GLMN: variants seen among roughly 807,000 people sequenced by gnomAD.
GLMN encodes glomulin, FKBP associated protein.
Under a neutral mutation model 87.8 loss-of-function variants are expected in GLMN, and 75 were observed. That is an observed-to-expected ratio of 0.85 (90% CI 0.71 to 1.04). The LOEUF (loss-of-function observed/expected upper bound fraction) is 1.04. GLMN is among the 50% of genes least tolerant of loss of function. The pLI is 0.00. For missense variants in GLMN, 588 were observed against 658.8 expected (o/e 0.89, Z 1.18); for synonymous variants, 206 against 221.6 (o/e 0.93, Z 0.63).
chr1:92,266,268 A>G (rs983697043), intron 13 of GLMN, 151 bp downstream of exon 13: 2 of 684,326 alleles, frequency 2.9e-6, no homozygotes, highest in Admixed American at 4.2e-5. Flanking sequence ...CCCTTTCTCT[A>G]GCCATCACTG....
chr1:92,341,344 A>AT, the GLMN span, among the ~76,000 whole-genome samples: 63 of 152,254 alleles, frequency 4.1e-4, no homozygotes, highest in East Asian at 0.012. Flanking sequence ...TCTATCAAAT[A>AT]TTACTGTTTC....
At chr1:92,299,406 A>T (rs1248369768), upstream of GLMN, among the ~76,000 whole-genome samples, 1 of 152,102 alleles carries the variant, frequency 6.6e-6, no homozygotes. Context: ...AGGACAGTGG[A>T]GGCCCCGGGA....
chr1:92,284,612 T>G (rs1269740231), intron 7 of GLMN, among the ~76,000 whole-genome samples: 2 of 151,962 alleles, frequency 1.3e-5, no homozygotes, highest in Admixed American at 6.6e-5. Flanking sequence ...AAAGCCAAAA[T>G]AGACAAATGG....
chr1:92,356,339 T>C, the GLMN span, among the ~76,000 whole-genome samples: 2 of 152,146 alleles, frequency 1.3e-5, no homozygotes, highest in Admixed American at 1.3e-4. Context: ...TAGAAAGTTA[T>C]TTTATGTGAG....
At chr1:92,281,079 C>G (rs1203887755) in intron 7 of GLMN, among the ~76,000 whole-genome samples, 1 of 152,152 alleles carries the variant, frequency 6.6e-6, no homozygotes, top group East Asian at 1.9e-4. Context: ...CATAACCTAG[C>G]AAGGCAGGCC....
intron 6 of GLMN, among the ~76,000 whole-genome samples, chr1:92,288,590 C>A (rs1383697710): frequency 6.6e-6 from 1 of 151,942 alleles, no homozygotes; most frequent in African/African-American, 2.4e-5. Context: ...CTACATCTAG[C>A]TAATTTTTAA....
chr1:92,362,136 T>C, the GLMN span, among the ~76,000 whole-genome samples: 36 of 152,184 alleles, frequency 2.4e-4, no homozygotes, highest in Non-Finnish European at 4.7e-4. Context: ...ATGAAAGTTA[T>C]AAGGAGAAAA....
intron 16 of GLMN, among the ~76,000 whole-genome samples, chr1:92,262,643 A>AG (rs1655181602): frequency 6.6e-6 from 1 of 152,244 alleles, no homozygotes; most frequent in Non-Finnish European, 1.5e-5. Flanking sequence ...TCAGCAAGAA[A>AG]GCAGACGTAC....
chr1:92,369,589 G>A, the GLMN span, among the ~76,000 whole-genome samples: 1 of 152,082 alleles, frequency 6.6e-6, no homozygotes, highest in Non-Finnish European at 1.5e-5. Flanking sequence ...GCAGGTATAA[G>A]TCACCACTCC....
intron 15 of GLMN, 138 bp downstream of exon 15, chr1:92,263,485 A>T: frequency 1.5e-6 from 1 of 687,192 alleles, no homozygotes. Context: ...AATATGAAAA[A>T]TCTTTATGTA....
At chr1:92,319,663 G>T in the GLMN span, among the ~76,000 whole-genome samples, 1 of 152,152 alleles carries the variant, frequency 6.6e-6, no homozygotes, top group African/African-American at 2.4e-5. Context: ...TGCCTTTAAG[G>T]AGCTTATAGT....
At chr1:92,362,450 G>C in the GLMN span, among the ~76,000 whole-genome samples, 1 of 152,144 alleles carries the variant, frequency 6.6e-6, no homozygotes, top group South Asian at 2.1e-4. Flanking sequence ...GGAATTTTCT[G>C]CTTCTCACTA....
At chr1:92,283,059 A>T (rs1002311605) in intron 7 of GLMN, among the ~76,000 whole-genome samples, 14 of 152,240 alleles carry the variant, frequency 9.2e-5, no homozygotes, top group African/African-American at 4.8e-5. Flanking sequence ...CAAAGAGGAG[A>T]TGGTACCATT....
chr1:92,287,915 T>C (rs1308063081), intron 6 of GLMN, among the ~76,000 whole-genome samples: 5 of 151,918 alleles, frequency 3.3e-5, no homozygotes, highest in South Asian at 2.1e-4. Flanking sequence ...GATCTTTTAG[T>C]AGACACATGA....
At chr1:92,309,678 C>T in the GLMN span, among the ~76,000 whole-genome samples, 1 of 152,080 alleles carries the variant, frequency 6.6e-6, no homozygotes. Context: ...GATGCCAGAA[C>T]ATGAATTAAA....
chr1:92,315,895 C>T, the GLMN span, among the ~76,000 whole-genome samples: 1 of 152,154 alleles, frequency 6.6e-6, no homozygotes, highest in African/African-American at 2.4e-5. Flanking sequence ...TGGTCTGGGT[C>T]GTGACGCACT....
At chr1:92,348,464 C>G in the GLMN span, among the ~76,000 whole-genome samples, 2 of 152,156 alleles carry the variant, frequency 1.3e-5, no homozygotes, top group South Asian at 4.2e-4. Context: ...CTAACTTTTG[C>G]TCTAGGCCTT....
chr1:92,304,527 A>G, the GLMN span, among the ~76,000 whole-genome samples: 1 of 152,242 alleles, frequency 6.6e-6, no homozygotes, highest in Admixed American at 6.5e-5. Flanking sequence ...AAATATTTCA[A>G]TCAAGGTATT....
the GLMN span, among the ~76,000 whole-genome samples, chr1:92,348,053 G>T: frequency 2.0e-5 from 3 of 152,052 alleles, no homozygotes; most frequent in Non-Finnish European, 4.4e-5. Context: ...GGGATTACAG[G>T]CACCTGCCAC....
Sources: gnomAD v4.1 joint callset for allele counts (sites outside exome capture counted in the v4.1 genomes callset) on GRCh38, gnomAD v4.1.1 for gene constraint, MANE v1.5 for transcripts, NCBI Gene and HGNC (gene_info 2026-07-23, HGNC 2026-07-21) for gene names.